The following SIGLEC6 variants were observed in gnomAD, a reference collection of about 807,000 sequenced individuals.
SIGLEC6 encodes sialic acid-binding Ig-like lectin 6.
Under a neutral mutation model 41.4 loss-of-function variants are expected in SIGLEC6, and 31 were observed. The observed-to-expected ratio is 0.75, with a 90% CI of 0.56 to 1.01. The LOEUF is 1.01. Among genes scored for constraint, SIGLEC6 ranks in the 50% least tolerant of loss-of-function variants. SIGLEC6 has a pLI of 0.00. For synonymous variants in SIGLEC6, 217 were observed against 231.0 expected, an observed-to-expected ratio of 0.94 and a Z score of 0.55; for missense variants, 555 against 558.6, an observed-to-expected ratio of 0.99 and a Z score of 0.06.
At chr19:51,520,588 G>C (rs1348267934) in intron 7 of SIGLEC6, among the ~76,000 whole-genome samples, 1 of 7,492 alleles carries the variant, frequency 1.3e-4, no homozygotes, top group African/African-American at 7.2e-4. Context: ...TGTTGCCCAG[G>C]CTGGTCTTGA....
intron 4 of SIGLEC6, among the ~76,000 whole-genome samples, 192 bp from the exon 5 acceptor site, chr19:51,530,173 G>A (rs188433557): frequency 6.6e-6 from 1 of 152,336 alleles, no homozygotes; most frequent in Non-Finnish European, 1.5e-5. Flanking sequence ...AGCAAGGGCT[G>A]CGGACAGCGT....
At chr19:51,527,002 A>T (rs556963867) in intron 7 of SIGLEC6, among the ~76,000 whole-genome samples, 2 of 152,304 alleles carry the variant, frequency 1.3e-5, no homozygotes, top group Non-Finnish European at 2.9e-5. Context: ...AAGAACAAAG[A>T]ATTTTAGAAA....
At chr19:51,524,189 A>C (rs985790760) in intron 7 of SIGLEC6, among the ~76,000 whole-genome samples, 1 of 152,256 alleles carries the variant, frequency 6.6e-6, no homozygotes, top group East Asian at 1.9e-4. Context: ...ATTAAAAGGA[A>C]GATATTGGCA....
rs1327584958 is a variant in SIGLEC6 at position 51,531,635 on chromosome 19, T to C, written c.14A>G (p.Gln5Arg). The change falls in exon 1 of 8, where the codon CAG (glutamine) becomes CGG (arginine). Residue 5 changes from glutamine (Q) to arginine (R), a missense_variant. Gln to Arg is a conservative substitution (Grantham distance 43). Coordinates refer to ENST00000425629, the MANE Select transcript of SIGLEC6 (RefSeq NM_001245.7). ...TAGCATCTCTGAGGCGGAGGCTTCC[T>C]GGGCTCCCTGCATGAGCAGAGAAGG... MQGA[Q>R]EASASEMLPL... is the part of the protein sequence containing the mutation. 2.5e-6 allele frequency: 4 copies of C among 1,607,168 alleles called. No individual in the cohort carries two copies. In the African/African-American group the frequency reaches 4.0e-5, roughly 16 times the overall value.
intron 5 of SIGLEC6, chr19:51,529,251 C>A (rs1302985912): frequency 1.2e-5 from 2 of 163,844 alleles, no homozygotes; most frequent in African/African-American, 2.4e-5. Flanking sequence ...ACAATAAATC[C>A]CTATTGTTTA....
chr19:51,529,996 G>T lies in SIGLEC6; in HGVS notation c.755-15C>A, dbSNP rs1450402705. On this transcript the variant is annotated splice_polypyrimidine_tract_variant and intron_variant, in intron 4 of 7. Coordinates refer to ENST00000425629, the MANE Select transcript of SIGLEC6 (RefSeq NM_001245.7). ...GATTTTGAAGGCTTTGGGGAGAGAG[G>T]TGTAGAGAGTTAGAGATGGGGTATA... 2 of 1,566,354 alleles carry T rather than the reference G, an allele frequency of 1.3e-6. No homozygotes were observed. The highest frequency in any genetic ancestry group is 1.7e-6 in the Non-Finnish European group (2 of 1,155,986).
At position 51,530,504 on chromosome 19, in the gene SIGLEC6, C is replaced by T. The variant is rs1433069648; in HGVS notation, c.707-20G>A. 1.2e-6 allele frequency: 2 copies of T among 1,614,026 alleles called. No homozygotes were observed. Among genetic ancestry groups the T allele is most frequent in the East Asian group, 4.5e-5 (2 of 44,870 alleles). ...GAGCATCTGGGGTGGAAAGAGGTGG[C>T]CGCCTCAACATCCCTGAGGAGGGAT... On this transcript the variant is annotated intron_variant, in intron 3 of 7. Coordinates refer to ENST00000425629, the MANE Select transcript of SIGLEC6 (RefSeq NM_001245.7).
chr19:51,528,704 C>T (rs1416802830), intron 5 of SIGLEC6, among the ~76,000 whole-genome samples: 4 of 151,940 alleles, frequency 2.6e-5, no homozygotes, highest in East Asian at 3.9e-4. Context: ...AAATGTGGGT[C>T]GGGTGCAGTG....
intron 7 of SIGLEC6, among the ~76,000 whole-genome samples, chr19:51,522,217 C>T (rs191223397): frequency 4.9e-4 from 74 of 152,346 alleles, no homozygotes; most frequent in African/African-American, 1.7e-3. Flanking sequence ...TAAACTCACC[C>T]TGCCAAAGCT....
rs1600054768 is a variant in SIGLEC6 at position 51,531,553 on chromosome 19, C to T, written c.67+29G>A. On this transcript the variant is annotated intron_variant, in intron 1 of 7. Coordinates refer to ENST00000425629, the MANE Select transcript of SIGLEC6 (RefSeq NM_001245.7). ...ACATGAGGGTCAGCTCGGCCCAGCC[C>T]CACGGCACCTCTCCCCTGGCCCACT... 14 of 1,613,962 alleles carry T rather than the reference C, an allele frequency of 8.7e-6. No homozygotes were observed. The East Asian group carries it at 2.9e-4, about 33-fold the overall frequency.
Position 51,530,919 on chromosome 19 carries a change from C to T in SIGLEC6, c.468G>A (p.Leu156=). The T allele has an allele frequency of 6.2e-7, 1 of 1,613,224 alleles. No individual in the cohort carries two copies. Among genetic ancestry groups the T allele is most frequent in the Non-Finnish European group, 8.5e-7 (1 of 1,179,980 alleles). The change falls in exon 3 of 8, where the codon CTG becomes CTA. Residue 156 remains leucine, a synonymous_variant. Transcript: ENST00000425629. ...TCAGATTGCTGGGATGGCCAGACTC[C>T]AGGGTCCCTGGGATGGAGATGTTGG... ...HRPNISIPGT[L]ESGHPSNLTC...
chr19:51,520,194 A>G lies in SIGLEC6; in HGVS notation c.1250T>C (p.Ile417Thr). 1 of 1,610,042 alleles carries G rather than the reference A, an allele frequency of 6.2e-7. No homozygotes were observed. The highest frequency in any genetic ancestry group is 1.1e-5 in the South Asian group (1 of 90,726). Reference sequence around the variant, plus strand: ...GTGGAGCTCCTGCTCATCTTCTGAGATGGGGCCAGCCTCAGCAGGGTGGTC... The same window carrying G: ...GTGGAGCTCCTGCTCATCTTCTGAGGTGGGGCCAGCCTCAGCAGGGTGGTC... ...VSDHPAEAGPISEDEQELHYA... is the reference protein window; with the variant it reads ...VSDHPAEAGPTSEDEQELHYA... The change falls in exon 8 of 8, where the codon ATC (isoleucine) becomes ACC (threonine). Residue 417 changes from isoleucine to threonine, a missense_variant. Physicochemically the swap from Ile to Thr is moderately conservative, Grantham distance 89 (BLOSUM62 -1). Coordinates refer to ENST00000425629, the MANE Select transcript of SIGLEC6 (RefSeq NM_001245.7).
chr19:51,529,663 T>C, intron 5 of SIGLEC6, 61 bp downstream of exon 5: 1 of 1,604,490 alleles, frequency 6.2e-7, no homozygotes. Context: ...GCCTCTTCTC[T>C]GAATACTATG....
Position 51,525,063 on chromosome 19 carries a change from C to T in SIGLEC6, c.1188+2684G>A, listed in dbSNP as rs145599736. Among the ~76,000 whole-genome samples the T allele has an allele frequency of 4.9e-4, 74 of 152,330 alleles. No homozygotes were observed. In the East Asian group the frequency reaches 0.014, roughly 29 times the overall value. The stretch of plus-strand genomic sequence containing the variant: ...GCCCCAAGGGCCTTGGACCTATGAG[C>T]AGCTGGGCACCAGGTGTCATAGCTT... On this transcript the variant is annotated intron_variant, in intron 7 of 7. Transcript: ENST00000425629.
intron 7 of SIGLEC6, among the ~76,000 whole-genome samples, chr19:51,523,626 A>T (rs954798727): frequency 3.9e-5 from 6 of 152,176 alleles, no homozygotes; most frequent in African/African-American, 1.4e-4. Flanking sequence ...CAGCAGTCTG[A>T]TGGAACTGGG....
intron 7 of SIGLEC6, among the ~76,000 whole-genome samples, chr19:51,522,584 G>C (rs1312483225): frequency 2.0e-5 from 3 of 152,100 alleles, no homozygotes; most frequent in Admixed American, 1.3e-4. Flanking sequence ...TCAGGAGTTC[G>C]AGACCAGCCT....
rs1434577972 is a variant in SIGLEC6, at chr19:51,518,970, G to A, written c.*1112C>T. 6.6e-6 allele frequency among the ~76,000 whole-genome samples: 1 copy of A among 152,126 alleles called. No homozygotes were observed. The highest frequency in any genetic ancestry group is 3.2e-3 in the Middle Eastern group (1 of 316). ...CTGGGCCTACTCCTTTTCAGCCTTA[G>A]AAGAAATTGCCAGCAGAAACCGTCT... On this transcript the variant is annotated 3_prime_UTR_variant, in exon 8 of 8. Transcript: ENST00000425629.
intron 7 of SIGLEC6, among the ~76,000 whole-genome samples, chr19:51,522,396 T>C (rs1215012791): frequency 6.6e-6 from 1 of 152,234 alleles, no homozygotes; most frequent in East Asian, 1.9e-4. Flanking sequence ...AGCTGTGGAA[T>C]GTAAGCAATG....
intron 5 of SIGLEC6, 76 bp downstream of exon 5, chr19:51,529,648 C>G (rs1201948424): frequency 2.5e-6 from 4 of 1,583,706 alleles, no homozygotes; most frequent in African/African-American, 1.3e-5. Flanking sequence ...CAGGACTTAG[C>G]AGGGGCCTCT....
Sources: allele counts gnomAD v4.1 joint callset (sites outside exome capture counted in the v4.1 genomes callset), GRCh38; gene constraint gnomAD v4.1.1; transcripts MANE v1.5; gene names NCBI Gene and HGNC (gene_info 2026-07-23, HGNC 2026-07-21).